Variants in MAN1C1 observed in about 807,000 individuals in gnomAD.
MAN1C1 encodes mannosidase alpha class 1C member 1, also known as mannosyl-oligosaccharide 1,2-alpha-mannosidase IC.
In MAN1C1, 49 loss-of-function variants were observed where a neutral mutation model predicts 71.5. The observed-to-expected ratio is 0.69, with a 90% CI of 0.54 to 0.87. MAN1C1 has a LOEUF of 0.87. Among genes scored for constraint, MAN1C1 ranks in the 40% least tolerant of loss-of-function variants. MAN1C1 has a pLI of 0.00. For missense variants in MAN1C1, 743 were observed against 835.0 expected (o/e 0.89, Z 1.36); for synonymous variants, 352 against 343.7 (o/e 1.02, Z -0.27).
intron 1 of MAN1C1, among the ~76,000 whole-genome samples, chr1:25,661,101 A>C (rs1374617159): frequency 6.6e-6 from 1 of 151,902 alleles, no homozygotes; most frequent in African/African-American, 2.4e-5. Context: ...TTTTAATTTC[A>C]GTTTTATTTG....
rs1388074337 is a variant in MAN1C1 at position 25,617,214 on chromosome 1, C to T, written c.-584C>T. 6.6e-6 allele frequency among the ~76,000 whole-genome samples: 1 copy of T among 151,450 alleles called. No individual in the cohort carries two copies. The highest frequency in any genetic ancestry group is 2.4e-5 in the African/African-American group (1 of 41,296). On this transcript the variant is annotated 5_prime_UTR_variant, in exon 1 of 12. Coordinates refer to ENST00000374332, the MANE Select transcript of MAN1C1 (RefSeq NM_020379.4). The surrounding 1 kb of genome is among the most constrained non-coding windows in gnomAD (Gnocchi z 5.1). ...GGCGGAGAAAGTTGTGGACGTGTCC[C>T]GATAGTCGAGCCCGGGCGCTGTCGC...
At chr1:25,639,699 A>G (rs1338092579) in intron 1 of MAN1C1, among the ~76,000 whole-genome samples, 1 of 152,226 alleles carries the variant, frequency 6.6e-6, no homozygotes, top group Non-Finnish European at 1.5e-5. Flanking sequence ...CATGAACTTC[A>G]GTGTACAGGT....
Position 25,783,976 on chromosome 1 carries a change from A to G in MAN1C1, c.*187A>G, listed in dbSNP as rs1468377379. On this transcript the variant is annotated 3_prime_UTR_variant, in exon 12 of 12. Coordinates refer to ENST00000374332, the MANE Select transcript of MAN1C1 (RefSeq NM_020379.4). ...CTTGGAGACTCAGCGATGTCAGGCC[A>G]GGGCCATGGCCACACTGGCCCACAC... 1.4e-6 allele frequency: 1 copy of G among 725,084 alleles called. No individual in the cohort carries two copies. The highest frequency in any genetic ancestry group is 1.8e-5 in the African/African-American group (1 of 56,216). 44.9% of individuals were successfully genotyped at this position (725,084 alleles called of 1,614,324 possible).
chr1:25,757,424 G>A (rs1031935172), intron 5 of MAN1C1, among the ~76,000 whole-genome samples: 7 of 152,128 alleles, frequency 4.6e-5, no homozygotes, highest in African/African-American at 1.7e-4. Flanking sequence ...CAGCCTTCCT[G>A]CAGACCCTGT....
At chr1:25,766,957 G>C (rs1363193704) in intron 7 of MAN1C1, among the ~76,000 whole-genome samples, 1 of 152,016 alleles carries the variant, frequency 6.6e-6, no homozygotes, top group East Asian at 1.9e-4. Flanking sequence ...GCACGGTCAG[G>C]AAGCAGCAGA....
intron 1 of MAN1C1, among the ~76,000 whole-genome samples, chr1:25,684,963 G>C: frequency 6.6e-6 from 1 of 152,356 alleles, no homozygotes; most frequent in South Asian, 2.1e-4. Context: ...CAAAAACTCA[G>C]GGTGGGGCCC....
chr1:25,708,074 A>G (rs1368023030), intron 2 of MAN1C1, among the ~76,000 whole-genome samples: 1 of 152,264 alleles, frequency 6.6e-6, no homozygotes, highest in East Asian at 1.9e-4. Flanking sequence ...GGGCGAGTCC[A>G]TAAAGTGAAA....
intron 1 of MAN1C1, among the ~76,000 whole-genome samples, chr1:25,624,289 T>C (rs2045260125): frequency 6.6e-6 from 1 of 151,984 alleles, no homozygotes; most frequent in African/African-American, 2.4e-5. Flanking sequence ...AAATGTAGAG[T>C]TGATGCAACT....
At chr1:25,668,455 A>G (rs548418073) in intron 1 of MAN1C1, among the ~76,000 whole-genome samples, 17 of 152,312 alleles carry the variant, frequency 1.1e-4, no homozygotes, top group South Asian at 8.3e-4. Context: ...TATTTTCTGA[A>G]TGGATGTCAG....
rs1467740194 is a variant in MAN1C1, at chr1:25,634,405, CTAGTTTGCT to C, written c.540+16069_540+16077del. On this transcript the variant is annotated intron_variant, in intron 1 of 11. Transcript: ENST00000374332. The surrounding 1 kb of genome is among the most constrained non-coding windows in gnomAD (Gnocchi z 4.6). ...ATCAAGTTGAAGTTCACTTTTATTC[CTAGTTTGCT>C]GAGGTTTTTATCTGTATTGGGATTA... Among the ~76,000 whole-genome samples, 1 of 152,104 alleles carries C rather than the reference CTAGTTTGCT, an allele frequency of 6.6e-6. No homozygotes were observed. Among genetic ancestry groups the C allele is most frequent in the Non-Finnish European group, 1.5e-5 (1 of 68,024 alleles).
intron 1 of MAN1C1, among the ~76,000 whole-genome samples, chr1:25,677,081 T>C (rs2046079535): frequency 6.6e-6 from 1 of 152,204 alleles, no homozygotes; most frequent in East Asian, 1.9e-4. Flanking sequence ...CTGAGACAGG[T>C]AGAAAGAAAA....
intron 1 of MAN1C1, among the ~76,000 whole-genome samples, chr1:25,636,250 C>T (rs919708194): frequency 3.3e-5 from 5 of 152,240 alleles, no homozygotes; most frequent in African/African-American, 1.2e-4. Flanking sequence ...AGCAGAGAAC[C>T]GGTCTGACCA....
intron 1 of MAN1C1, among the ~76,000 whole-genome samples, chr1:25,626,347 T>G (rs547309641): frequency 6.6e-6 from 1 of 152,234 alleles, no homozygotes; most frequent in East Asian, 1.9e-4. Context: ...GTTTATTTGC[T>G]ATTTCTTTCT....
Position 25,780,600 on chromosome 1 carries a change from A to G in MAN1C1, c.1478-340A>G, listed in dbSNP as rs191622849. 5 of 202,686 alleles carry G rather than the reference A, an allele frequency of 2.5e-5. No individual in the cohort carries two copies. In the Admixed American group the frequency reaches 2.8e-4, roughly 11 times the overall value. 12.6% of individuals were successfully genotyped at this position (202,686 alleles called of 1,614,324 possible). On this transcript the variant is annotated intron_variant, in intron 9 of 11. Coordinates refer to ENST00000374332, the MANE Select transcript of MAN1C1 (RefSeq NM_020379.4). Reference sequence around the variant, plus strand: ...AAACCCTCTTGGCTGAGGTCTGGCTAACCTCTTGCAGAGCTATTGCCTCAA... The same window carrying G: ...AAACCCTCTTGGCTGAGGTCTGGCTGACCTCTTGCAGAGCTATTGCCTCAA...
Position 25,670,173 on chromosome 1 carries a change from C to T in MAN1C1, c.541-16267C>T, listed in dbSNP as rs1326108582. On this transcript the variant is annotated intron_variant, in intron 1 of 11. Transcript: ENST00000374332. ...CCCCAAAGGCTCTGAAACCCATCAC[C>T]CAAATCCCCTTGTGGATGCAGAGAC... Among the ~76,000 whole-genome samples the T allele has an allele frequency of 1.1e-4, 16 of 152,312 alleles. No individual in the cohort carries two copies. The East Asian group carries it at 2.9e-3, about 28-fold the overall frequency.
At chr1:25,663,656 CGAG>C (rs1424217636) in intron 1 of MAN1C1, among the ~76,000 whole-genome samples, 2 of 151,976 alleles carry the variant, frequency 1.3e-5, no homozygotes, top group African/African-American at 2.4e-5. Context: ...ATTACTGTGT[CGAG>C]GGCACAGTGG....
rs533583311 is a variant in MAN1C1 at position 25,779,619 on chromosome 1, T to A, written c.1477+1295T>A. Among the ~76,000 whole-genome samples the A allele has an allele frequency of 7.2e-5, 11 of 152,238 alleles. No homozygotes were observed. The highest frequency in any genetic ancestry group is 1.5e-4 in the Non-Finnish European group (10 of 68,040). On this transcript the variant is annotated intron_variant, in intron 9 of 11. Coordinates refer to ENST00000374332, the MANE Select transcript of MAN1C1 (RefSeq NM_020379.4). This position sits in a 1 kb window ranked among gnomAD's most constrained non-coding sequence, Gnocchi z 4.6. ...GACAGCCGCTTAATAAAGCATATTG[T>A]TCTAGCCAGCCTCGGCTTGTCCTGT...
At chr1:25,659,763 C>A (rs950323467) in intron 1 of MAN1C1, among the ~76,000 whole-genome samples, 1 of 151,924 alleles carries the variant, frequency 6.6e-6, no homozygotes, top group African/African-American at 2.4e-5. Context: ...ATGTTGTGTG[C>A]CAATGGTTAA....
intron 1 of MAN1C1, among the ~76,000 whole-genome samples, chr1:25,620,527 A>G (rs1176749010): frequency 6.6e-6 from 1 of 152,156 alleles, no homozygotes; most frequent in Non-Finnish European, 1.5e-5. Flanking sequence ...TGGTTGCTGG[A>G]GAATGTCTTT....
Sources: allele counts gnomAD v4.1 joint callset (sites outside exome capture counted in the v4.1 genomes callset), GRCh38; gene constraint gnomAD v4.1.1; non-coding constraint Gnocchi (gnomAD v3.1); transcripts MANE v1.5; gene names NCBI Gene and HGNC (gene_info 2026-07-23, HGNC 2026-07-21).